GABRB2: variants seen among roughly 807,000 people sequenced by gnomAD.
GABRB2 encodes gamma-aminobutyric acid receptor subunit beta-2.
A neutral mutation model predicts 54.7 loss-of-function variants in GABRB2; 16 were observed. The observed-to-expected ratio is 0.29, with a 90% CI of 0.20 to 0.44. The LOEUF (loss-of-function observed/expected upper bound fraction) is 0.44. Among genes scored for constraint, GABRB2 ranks in the 20% least tolerant of loss-of-function variants. The pLI is 1.00. For synonymous variants in GABRB2, 244 were observed against 233.8 expected, an observed-to-expected ratio of 1.04 and a Z score of -0.40; for missense variants, 355 against 644.0, an observed-to-expected ratio of 0.55 and a Z score of 4.86.
At chr5:161,315,742 G>A (rs557277197) in intron 9 of GABRB2, among the ~76,000 whole-genome samples, 3 of 152,214 alleles carry the variant, frequency 2.0e-5, no homozygotes, top group East Asian at 1.9e-4. Flanking sequence ...TAATTATCAA[G>A]TCAGAGAAAT....
chr5:161,314,041 G>A (rs1757953533), intron 9 of GABRB2, among the ~76,000 whole-genome samples: 1 of 152,244 alleles, frequency 6.6e-6, no homozygotes, highest in Non-Finnish European at 1.5e-5. Flanking sequence ...ATGTGAAGCT[G>A]AAAGGCTCTC....
At chr5:161,393,378 C>T (rs1216294650) in intron 5 of GABRB2, among the ~76,000 whole-genome samples, 1 of 96,292 alleles carries the variant, frequency 1.0e-5, no homozygotes, top group Non-Finnish European at 2.1e-5. Flanking sequence ...GTGGGCAGTA[C>T]AAAAAGGCCA....
chr5:161,353,594 G>C (rs1754533482), intron 5 of GABRB2, among the ~76,000 whole-genome samples: 3 of 151,980 alleles, frequency 2.0e-5, no homozygotes. Flanking sequence ...TGTAGCTCTA[G>C]TACTTACAAC....
chr5:161,449,084 A>G (rs1454701149), intron 4 of GABRB2, among the ~76,000 whole-genome samples: 1 of 152,174 alleles, frequency 6.6e-6, no homozygotes, highest in Non-Finnish European at 1.5e-5. Flanking sequence ...TTCTCCATCC[A>G]TCAACACTTT....
intron 4 of GABRB2, chr5:161,459,301 G>A: frequency 3.1e-6 from 1 of 319,206 alleles, no homozygotes; most frequent in Admixed American, 4.5e-5. Flanking sequence ...ACAATTAGTT[G>A]GCATTCACAA....
rs1226818517 is a variant in GABRB2, at chr5:161,384,989, C to T, written c.541+25986G>A. 3.3e-5 allele frequency among the ~76,000 whole-genome samples: 5 copies of T among 152,086 alleles called. No homozygotes were observed. The South Asian group carries it at 6.2e-4, about 19-fold the overall frequency. On this transcript the variant is annotated intron_variant, in intron 5 of 9. Transcript: ENST00000393959. ...GCCATCCTCTCAAAATAGAAGTTTG[C>T]CTATTCCCCTTTAAATATGCTTTTC...
At position 161,543,541 on chromosome 5, in the gene GABRB2, G is replaced by C. The variant is rs552415342; in HGVS notation, c.237+1686C>G. Among the ~76,000 whole-genome samples, 9 of 152,158 alleles carry C rather than the reference G, an allele frequency of 5.9e-5. No individual in the cohort carries two copies. In the South Asian group the frequency reaches 1.5e-3, roughly 25 times the overall value. On this transcript the variant is annotated intron_variant, in intron 3 of 9. Coordinates refer to ENST00000393959, the MANE Select transcript of GABRB2 (RefSeq NM_001371727.1). The stretch of plus-strand genomic sequence containing the variant: ...AAAATAAGACTTGGGACTGAGAGAA[G>C]AGCATAAAAAAAGCAAAATGCAAAA...
At chr5:161,501,523 A>G (rs1047235482) in intron 3 of GABRB2, among the ~76,000 whole-genome samples, 1 of 152,150 alleles carries the variant, frequency 6.6e-6, no homozygotes, top group Non-Finnish European at 1.5e-5. Flanking sequence ...TCATTTTTCA[A>G]TGTTATTGGC....
At chr5:161,342,128 GTCA>G (rs1183327079) in intron 5 of GABRB2, among the ~76,000 whole-genome samples, 2 of 151,166 alleles carry the variant, frequency 1.3e-5, no homozygotes, top group Middle Eastern at 3.4e-3. Context: ...TGTTAATTTT[GTCA>G]TCATAACCAA....
At chr5:161,376,963 A>G (rs574098602) in intron 5 of GABRB2, among the ~76,000 whole-genome samples, 1 of 152,222 alleles carries the variant, frequency 6.6e-6, no homozygotes, top group African/African-American at 2.4e-5. Context: ...AAAAAAACAA[A>G]GAAGAAGGAA....
At chr5:161,365,584 T>C (rs1754948970) in intron 5 of GABRB2, among the ~76,000 whole-genome samples, 1 of 152,210 alleles carries the variant, frequency 6.6e-6, no homozygotes, top group South Asian at 2.1e-4. Context: ...TTGGGAACAT[T>C]CAATTTTTTA....
intron 8 of GABRB2, chr5:161,329,510 A>G (rs1753770341): frequency 6.6e-6 from 1 of 152,202 alleles, no homozygotes; most frequent in South Asian, 2.1e-4. Context: ...GGATTAGAGA[A>G]GAGTCTAAAA....
chr5:161,317,794 T>C (rs1483944843), intron 9 of GABRB2, among the ~76,000 whole-genome samples: 1 of 151,914 alleles, frequency 6.6e-6, no homozygotes, highest in Non-Finnish European at 1.5e-5. Context: ...AAGCCCTTAA[T>C]AAAAATGGGT....
chr5:161,514,543 G>T (rs1174011640), intron 3 of GABRB2, among the ~76,000 whole-genome samples: 2 of 152,136 alleles, frequency 1.3e-5, no homozygotes, highest in African/African-American at 4.8e-5. Context: ...GAAAACAAGA[G>T]ATTTGCCTTT....
At chr5:161,358,415 C>T (rs764973924) in intron 5 of GABRB2, among the ~76,000 whole-genome samples, 22 of 150,996 alleles carry the variant, frequency 1.5e-4, no homozygotes, top group Non-Finnish European at 2.8e-4. Context: ...AGTAATTTTG[C>T]TAAAAAAAAA....
At chr5:161,367,392 A>G (rs1291095358) in intron 5 of GABRB2, among the ~76,000 whole-genome samples, 2 of 152,240 alleles carry the variant, frequency 1.3e-5, no homozygotes, top group Non-Finnish European at 2.9e-5. Flanking sequence ...GAACTTAATC[A>G]GTGTAATCAG....
chr5:161,533,956 G>A (rs1426055013), intron 3 of GABRB2, among the ~76,000 whole-genome samples: 1 of 152,132 alleles, frequency 6.6e-6, no homozygotes, highest in Non-Finnish European at 1.5e-5. Context: ...AAAACACAAT[G>A]TTAATGAAGT....
rs1757179941 is a variant in GABRB2 at position 161,289,515 on chromosome 5, T to TACA, written c.*4565_*4566insTGT. 1 of 152,128 alleles carries TACA rather than the reference T, an allele frequency of 6.6e-6. No homozygotes were observed. Among genetic ancestry groups the TACA allele is most frequent in the Non-Finnish European group, 1.5e-5 (1 of 67,992 alleles). 9.4% of individuals were successfully genotyped at this position (152,128 alleles called of 1,614,324 possible). On this transcript the variant is annotated 3_prime_UTR_variant, in exon 10 of 10. Transcript: ENST00000393959. ...TCTAGTGTATATTGTGTAACACATT[T>TACA]CTGGAGCTGGTAGGAATAACCATTT...
At chr5:161,358,740 G>A (rs928928031) in intron 5 of GABRB2, among the ~76,000 whole-genome samples, 3 of 152,116 alleles carry the variant, frequency 2.0e-5, no homozygotes, top group African/African-American at 4.8e-5. Flanking sequence ...TAGTGAGGTG[G>A]GAAGCAAGTT....
Sources: allele counts gnomAD v4.1 joint callset (sites outside exome capture counted in the v4.1 genomes callset), GRCh38; gene constraint gnomAD v4.1.1; transcripts MANE v1.5; gene names NCBI Gene and HGNC (gene_info 2026-07-23, HGNC 2026-07-21).